Variants in IPCEF1 observed in about 807,000 individuals in gnomAD.
The protein encoded by IPCEF1 is interactor protein for cytohesin exchange factors 1.
IPCEF1 carries 31 observed loss-of-function variants against 50.9 expected under a neutral mutation model. The observed-to-expected ratio is 0.61, with a 90% CI of 0.46 to 0.82. The LOEUF (loss-of-function observed/expected upper bound fraction) is 0.82, where lower values mean the gene tolerates loss of function less well. IPCEF1 is among the 40% of genes least tolerant of loss of function. The pLI is 0.00. For synonymous variants in IPCEF1, 181 were observed against 192.0 expected (o/e 0.94, Z 0.47); for missense variants, 458 against 514.0 (o/e 0.89, Z 1.05).
chr6:154,246,228 C>A (rs9397698), intron 5 of IPCEF1, among the ~76,000 whole-genome samples: 41,466 of 151,952 alleles, frequency 0.27, 6,148 homozygotes, highest in Admixed American at 0.45. Context: ...AGTAGAGAGA[C>A]CTTAACTATG....
intron 3 of IPCEF1, among the ~76,000 whole-genome samples, chr6:154,252,844 A>C (rs1437168902): frequency 6.6e-6 from 1 of 152,190 alleles, no homozygotes; most frequent in African/African-American, 2.4e-5. Context: ...AAGAATCTTC[A>C]CTGAAAAGAG....
At chr6:154,242,150 T>A (rs1780648915) in intron 5 of IPCEF1, among the ~76,000 whole-genome samples, 1 of 152,214 alleles carries the variant, frequency 6.6e-6, no homozygotes, top group Non-Finnish European at 1.5e-5. Context: ...TTTTCATTCC[T>A]TTGTTCCCAT....
intron 2 of IPCEF1, among the ~76,000 whole-genome samples, chr6:154,280,991 G>C (rs1354454582): frequency 6.6e-6 from 1 of 151,998 alleles, no homozygotes; most frequent in African/African-American, 2.4e-5. Context: ...TTTGAGGCCA[G>C]GAGTTTGAGA....
At chr6:154,205,311 T>C (rs1453280437) in intron 9 of IPCEF1, among the ~76,000 whole-genome samples, 1 of 152,160 alleles carries the variant, frequency 6.6e-6, no homozygotes, top group African/African-American at 2.4e-5. Context: ...TATTAAAACA[T>C]TGGCTAGATG....
chr6:154,165,871 C>T (rs946381512), intron 11 of IPCEF1, among the ~76,000 whole-genome samples: 3 of 152,212 alleles, frequency 2.0e-5, no homozygotes, highest in African/African-American at 7.2e-5. Context: ...TGGAGAAGCC[C>T]ATGTGGCAAG....
At chr6:154,331,439 AAG>A (rs1231744518) in intron 1 of IPCEF1, among the ~76,000 whole-genome samples, 7 of 144,348 alleles carry the variant, frequency 4.8e-5, no homozygotes, top group Middle Eastern at 3.4e-3. Flanking sequence ...GAGAGAAAGA[AAG>A]AGAACGAAAG....
At chr6:154,323,996 G>C (rs2128689231) in intron 1 of IPCEF1, among the ~76,000 whole-genome samples, 1 of 152,230 alleles carries the variant, frequency 6.6e-6, no homozygotes, top group South Asian at 2.1e-4. Flanking sequence ...GAAGAAACAA[G>C]ACTGATCACA....
intron 10 of IPCEF1, among the ~76,000 whole-genome samples, chr6:154,193,623 CA>C (rs1802127755): frequency 6.6e-6 from 1 of 152,120 alleles, no homozygotes; most frequent in Non-Finnish European, 1.5e-5. Flanking sequence ...AGGATTTAAT[CA>C]ACAACAAGAA....
chr6:154,303,023 A>G lies in IPCEF1; in HGVS notation c.-61-13267T>C, dbSNP rs185099783. ...TGAGGCAATGTTGACCAGCAACCCAACAGCTTTAGTAAATCTTCCTAAGTT... is the reference window on the plus strand; with the variant it reads ...TGAGGCAATGTTGACCAGCAACCCAGCAGCTTTAGTAAATCTTCCTAAGTT... On this transcript the variant is annotated intron_variant, in intron 1 of 11. Coordinates refer to ENST00000367220, the MANE Select transcript of IPCEF1 (RefSeq NM_001130700.2). 7.1e-4 allele frequency among the ~76,000 whole-genome samples: 108 copies of G among 152,144 alleles called. 4 individuals are homozygous for G. In the South Asian group the frequency reaches 0.013, roughly 19 times the overall value.
intron 9 of IPCEF1, among the ~76,000 whole-genome samples, chr6:154,203,403 G>T (rs1777232388): frequency 6.6e-6 from 1 of 152,118 alleles, no homozygotes; most frequent in Admixed American, 6.5e-5. Context: ...GTTGTCCCTT[G>T]AACAGTAGGG....
chr6:154,347,128 TG>T (rs1321156414), intron 1 of IPCEF1, among the ~76,000 whole-genome samples: 2 of 152,210 alleles, frequency 1.3e-5, no homozygotes, highest in East Asian at 3.8e-4. Context: ...CTGGCCTCTC[TG>T]GGGTTGGATT....
intron 1 of IPCEF1, among the ~76,000 whole-genome samples, chr6:154,341,133 A>C (rs1383035415): frequency 6.6e-6 from 1 of 152,146 alleles, no homozygotes; most frequent in Non-Finnish European, 1.5e-5. Context: ...GCCTTTCCAA[A>C]GGAGGCCATC....
rs746226429 is a variant in IPCEF1 at position 154,159,833 on chromosome 6, T to C, written c.1312A>G (p.Ile438Val). The C allele has an allele frequency of 7.1e-5, 115 of 1,610,080 alleles. No homozygotes were observed. The highest frequency in any genetic ancestry group is 9.6e-5 in the Non-Finnish European group (113 of 1,178,302). ...GAGAAAACCCTGACTTTGTCTCAAATGGAATTTTCAACAGAGGGAGAAGAA... is the reference window on the plus strand; with the variant it reads ...GAGAAAACCCTGACTTTGTCTCAAACGGAATTTTCAACAGAGGGAGAAGAA... The part of the protein sequence containing the change: ...SPSSPSVENS[I>V] Residue 438 changes from isoleucine (I) to valine (V), a missense_variant, in exon 12 of 12, where the codon ATT becomes GTT. Physicochemically the swap from Ile to Val is conservative, Grantham distance 29 (BLOSUM62 3). Coordinates refer to ENST00000367220, the MANE Select transcript of IPCEF1 (RefSeq NM_001130700.2).
At chr6:154,170,761 G>C (rs1799808068) in intron 10 of IPCEF1, among the ~76,000 whole-genome samples, 1 of 152,126 alleles carries the variant, frequency 6.6e-6, no homozygotes, top group Non-Finnish European at 1.5e-5. Flanking sequence ...TCACACCCAG[G>C]GTGGCTACAA....
intron 1 of IPCEF1, among the ~76,000 whole-genome samples, chr6:154,319,275 A>G (rs71567976): frequency 0.016 from 2,368 of 152,172 alleles, 28 homozygotes; most frequent in Non-Finnish European, 0.023. Context: ...TCAGACCTAT[A>G]ATTTGTGGCT....
intron 9 of IPCEF1, among the ~76,000 whole-genome samples, chr6:154,204,365 A>C (rs1777313625): frequency 6.6e-6 from 1 of 152,246 alleles, no homozygotes; most frequent in Non-Finnish European, 1.5e-5. Context: ...GAAACAAAAA[A>C]GTCTAAACAA....
chr6:154,313,232 C>T (rs529002538), intron 1 of IPCEF1, among the ~76,000 whole-genome samples: 2 of 151,686 alleles, frequency 1.3e-5, no homozygotes, highest in African/African-American at 2.4e-5. Context: ...ATTAGCCAAG[C>T]GTAGTAGTGG....
intron 10 of IPCEF1, among the ~76,000 whole-genome samples, chr6:154,170,952 C>T (rs1377944105): frequency 2.0e-5 from 3 of 152,104 alleles, no homozygotes; most frequent in Non-Finnish European, 4.4e-5. Context: ...CTCATTGCAG[C>T]CTTGAACTCC....
chr6:154,195,974 T>G (rs2128587393), intron 10 of IPCEF1, among the ~76,000 whole-genome samples: 1 of 152,020 alleles, frequency 6.6e-6, no homozygotes, highest in Non-Finnish European at 1.5e-5. Flanking sequence ...GTATTTTTAG[T>G]AGAGACAGGG....
Sources: gnomAD v4.1 joint callset for allele counts (sites outside exome capture counted in the v4.1 genomes callset) on GRCh38, gnomAD v4.1.1 for gene constraint, MANE v1.5 for transcripts, NCBI Gene and HGNC (gene_info 2026-07-23, HGNC 2026-07-21) for gene names.